GABBR2: variants seen among roughly 807,000 people sequenced by gnomAD.
GABBR2 encodes the protein gamma-aminobutyric acid type B receptor subunit 2, also known as G-protein coupled receptor 51.
A neutral mutation model predicts 105.6 loss-of-function variants in GABBR2; 23 were observed. The observed-to-expected ratio is 0.22, with a 90% confidence interval of 0.16 to 0.31. The LOEUF is 0.31. GABBR2 is among the 10% of genes least tolerant of loss of function. GABBR2 has a pLI of 1.00. For synonymous variants in GABBR2, 478 were observed against 499.7 expected (o/e 0.96, Z 0.58); for missense variants, 734 against 1,245.5 (o/e 0.59, Z 6.18).
chr9:98,691,345 T>C (rs1321816812), intron 1 of GABBR2, among the ~76,000 whole-genome samples: 1 of 152,188 alleles, frequency 6.6e-6, no homozygotes, highest in Non-Finnish European at 1.5e-5. Context: ...ACAGGCTCGA[T>C]GAGTTACAGG....
rs551169899 is a variant in GABBR2 at position 98,362,889 on chromosome 9, C to T, written c.1771-52G>A. ...AGCCGATGTGAGAGACAGCTTCCCA[C>T]GCAGCAACTGGGGGCCCAGGTCATA... On this transcript the variant is annotated intron_variant, in intron 12 of 18. Transcript: ENST00000259455. 57 of 1,434,220 alleles carry T rather than the reference C, an allele frequency of 4.0e-5. No homozygotes were observed. In the Middle Eastern group the frequency reaches 5.6e-4, roughly 14 times the overall value. 88.8% of individuals were successfully genotyped at this position (1,434,220 alleles called of 1,614,324 possible).
At chr9:98,554,646 G>A (rs1828555108) in intron 2 of GABBR2, among the ~76,000 whole-genome samples, 1 of 152,002 alleles carries the variant, frequency 6.6e-6, no homozygotes. Context: ...TTAAGAGACA[G>A]CATTTATTTA....
intron 14 of GABBR2, among the ~76,000 whole-genome samples, chr9:98,308,168 A>C (rs902440077): frequency 1.3e-5 from 2 of 152,174 alleles, no homozygotes; most frequent in African/African-American, 2.4e-5. Flanking sequence ...CAGGAGGCGG[A>C]GGTTGCAGTG....
chr9:98,454,279 A>G lies in GABBR2; in HGVS notation c.1000-62T>C. On this transcript the variant is annotated intron_variant, in intron 6 of 18. Transcript: ENST00000259455. The surrounding 1 kb of genome is among the most constrained non-coding windows in gnomAD (Gnocchi z 4.6). Reference sequence around the variant, plus strand: ...ACTCGGCAGGGACATCAGGTGCCTGATGCCGAGAAGAGCTGCTATTCTTCA... The same window carrying G: ...ACTCGGCAGGGACATCAGGTGCCTGGTGCCGAGAAGAGCTGCTATTCTTCA... 8.8e-7 allele frequency: 1 copy of G among 1,135,672 alleles called. No individual in the cohort carries two copies. 70.3% of individuals were successfully genotyped at this position (1,135,672 alleles called of 1,614,324 possible). A position where few individuals can be genotyped will look rare whatever the true frequency, so the allele number is the denominator to read the frequency against.
intron 1 of GABBR2, chr9:98,580,977 C>G (rs958555182): frequency 1.3e-5 from 2 of 152,180 alleles, no homozygotes; most frequent in African/African-American, 4.8e-5. Flanking sequence ...TTTCTTGCTC[C>G]CTCTTCATTT....
chr9:98,504,811 G>A (rs375345029), intron 3 of GABBR2, among the ~76,000 whole-genome samples: 71 of 152,340 alleles, frequency 4.7e-4, no homozygotes, highest in African/African-American at 1.7e-3. Context: ...GGGCACCGCT[G>A]TAGCTAAGAT....
At chr9:98,489,049 T>C (rs1030235965) in intron 4 of GABBR2, among the ~76,000 whole-genome samples, 16 of 152,210 alleles carry the variant, frequency 1.1e-4, no homozygotes, top group African/African-American at 3.9e-4. Context: ...ATATAGTCTC[T>C]GTTGCAATTA....
chr9:98,671,584 C>A (rs538270117), intron 1 of GABBR2, among the ~76,000 whole-genome samples: 1 of 152,276 alleles, frequency 6.6e-6, no homozygotes, highest in South Asian at 2.1e-4. Context: ...AGACTGTTTT[C>A]CAAAGACCAT....
rs1564109669 is a variant in GABBR2, at chr9:98,542,962, T to TA, written c.460-920_460-919insT. 3.3e-5 allele frequency among the ~76,000 whole-genome samples: 5 copies of TA among 151,970 alleles called. No individual in the cohort carries two copies. The East Asian group carries it at 7.7e-4, about 24-fold the overall frequency. Reference sequence around the variant, plus strand: ...TCAGATTGAATTTAATGAAGATATTTTATATATATAGCGTTCAAACTCAGG... The same window carrying TA: ...TCAGATTGAATTTAATGAAGATATTTATATATATATAGCGTTCAAACTCAGG... On this transcript the variant is annotated intron_variant, in intron 2 of 18. Coordinates refer to ENST00000259455, the MANE Select transcript of GABBR2 (RefSeq NM_005458.8).
At chr9:98,512,342 G>T (rs547032046) in intron 3 of GABBR2, among the ~76,000 whole-genome samples, 3 of 149,768 alleles carry the variant, frequency 2.0e-5, no homozygotes, top group African/African-American at 4.9e-5. Flanking sequence ...CTTTGAAAAC[G>T]GGCACAAGAC....
chr9:98,584,775 A>T (rs200111086), intron 1 of GABBR2, among the ~76,000 whole-genome samples: 8 of 152,336 alleles, frequency 5.3e-5, no homozygotes, highest in African/African-American at 1.7e-4. Flanking sequence ...CAGAATGGAA[A>T]GAGAATTTAA....
intron 13 of GABBR2, among the ~76,000 whole-genome samples, chr9:98,335,526 T>G (rs1277847273): frequency 6.6e-6 from 1 of 152,174 alleles, no homozygotes; most frequent in Non-Finnish European, 1.5e-5. Context: ...AAAAAATTCC[T>G]GATGCACAGG....
At chr9:98,652,937 T>C (rs1830130024) in intron 1 of GABBR2, among the ~76,000 whole-genome samples, 1 of 152,240 alleles carries the variant, frequency 6.6e-6, no homozygotes, top group Non-Finnish European at 1.5e-5. Context: ...CCAGAGATAC[T>C]GACCTCATTG....
At chr9:98,402,072 G>A (rs2131522407) in intron 8 of GABBR2, among the ~76,000 whole-genome samples, 1 of 152,258 alleles carries the variant, frequency 6.6e-6, no homozygotes, top group South Asian at 2.1e-4. Flanking sequence ...CAAATCAGGT[G>A]CCAAAATATA....
chr9:98,468,987 A>G (rs1238272161), intron 6 of GABBR2, among the ~76,000 whole-genome samples: 1 of 152,168 alleles, frequency 6.6e-6, no homozygotes, highest in Non-Finnish European at 1.5e-5. Flanking sequence ...CTGCTGGATG[A>G]TTGTATTAGA....
At chr9:98,349,941 G>A (rs1831367716) in intron 13 of GABBR2, among the ~76,000 whole-genome samples, 1 of 152,074 alleles carries the variant, frequency 6.6e-6, no homozygotes, top group African/African-American at 2.4e-5. Flanking sequence ...TTATTGGTCT[G>A]TGTAGGTTTT....
intron 12 of GABBR2, among the ~76,000 whole-genome samples, chr9:98,368,546 G>A (rs1202943983): frequency 3.3e-5 from 5 of 152,100 alleles, no homozygotes; most frequent in African/African-American, 1.2e-4. Context: ...TGCCCCACAG[G>A]GAGCTTCTAG....
At chr9:98,524,824 T>C (rs1257087901) in intron 3 of GABBR2, among the ~76,000 whole-genome samples, 1 of 148,628 alleles carries the variant, frequency 6.7e-6, no homozygotes, top group Non-Finnish European at 1.5e-5. Flanking sequence ...TCCCTCTTAT[T>C]AAAAAAAAAA....
chr9:98,357,719 G>A (rs1156977372), intron 13 of GABBR2, among the ~76,000 whole-genome samples: 1 of 151,886 alleles, frequency 6.6e-6, no homozygotes, highest in Non-Finnish European at 1.5e-5. Flanking sequence ...CTGAAGAGGA[G>A]ATATAATGTA....
Sources: allele counts gnomAD v4.1 joint callset (sites outside exome capture counted in the v4.1 genomes callset), GRCh38; gene constraint gnomAD v4.1.1; non-coding constraint Gnocchi (gnomAD v3.1); transcripts MANE v1.5; gene names NCBI Gene and HGNC (gene_info 2026-07-23, HGNC 2026-07-21).